ERV3-1: variants seen among roughly 807,000 people sequenced by gnomAD.
ERV3-1 encodes the protein endogenous retrovirus group 3 member 1 Env polyprotein.
ERV3-1 carries 36 observed loss-of-function variants against 24.6 expected under a neutral mutation model. The observed-to-expected ratio is 1.47, with a 90% confidence interval of 1.12 to 1.94. ERV3-1 has a LOEUF of 1.94. ERV3-1 is among the 30% of genes most tolerant of loss of function. The pLI, the probability that ERV3-1 is intolerant of heterozygous loss-of-function variation, is 0.00. For synonymous variants in ERV3-1, 211 were observed against 122.6 expected, an observed-to-expected ratio of 1.72 and a Z score of -4.76; for missense variants, 578 against 330.9, an observed-to-expected ratio of 1.75 and a Z score of -5.79.
Position 64,991,854 on chromosome 7 carries a change from TG to T in ERV3-1, c.1172del (p.Pro391HisfsTer8). ...GGTTTAAAGATGGGAAACGAGAGAA[TG>T]GGCTTGGGTGTGGTGATTCAGAATT... ...SNNSESPHPSPFSRFPSLNHS... is the reference protein window; with the variant it reads ...SNNSESPHPSXFSRFPSLNHS... On this transcript the variant is annotated frameshift_variant, in exon 2 of 2. Transcript: ENST00000394323. LOFTEE classifies it high-confidence loss of function. 1.3e-6 allele frequency: 1 copy of T among 766,286 alleles called. No individual in the cohort carries two copies. The highest frequency in any genetic ancestry group is 2.4e-6 in the Non-Finnish European group (1 of 417,886). 47.5% of individuals were successfully genotyped at this position (766,286 alleles called of 1,614,324 possible). A position where few individuals can be genotyped will look rare whatever the true frequency, so the allele number is the denominator to read the frequency against.
chr7:64,999,388 G>A (rs1438341143), intron 1 of ERV3-1, among the ~76,000 whole-genome samples: 3 of 152,210 alleles, frequency 2.0e-5, no homozygotes, highest in East Asian at 3.9e-4. Flanking sequence ...GGTGGAACAG[G>A]AGGATTTTAT....
intron 1 of ERV3-1, among the ~76,000 whole-genome samples, chr7:65,001,622 GGGA>G (rs1786526219): frequency 1.3e-5 from 2 of 152,146 alleles, no homozygotes; most frequent in Admixed American, 6.5e-5. Context: ...CAGTGGGAGT[GGGA>G]GGAGACCTCA....
rs974567577 is a variant in ERV3-1, at chr7:64,993,255, C to T, written c.-229G>A. 25 of 526,230 alleles carry T rather than the reference C, an allele frequency of 4.8e-5. No homozygotes were observed. The highest frequency in any genetic ancestry group is 1.6e-4 in the East Asian group (5 of 32,076). The allele number at this position is 526,230 out of a possible 1,614,324, so 32.6% of individuals were successfully genotyped here. Reference sequence around the variant, plus strand: ...AGCCGTGTGTGGACTGGTCAGCTTCCGGAGTGACCAGAGCAGGGCTGTTGT... The same window carrying T: ...AGCCGTGTGTGGACTGGTCAGCTTCTGGAGTGACCAGAGCAGGGCTGTTGT... On this transcript the variant is annotated 5_prime_UTR_variant, in exon 2 of 2. Coordinates refer to ENST00000394323, the MANE Select transcript of ERV3-1 (RefSeq NM_001007253.4).
chr7:65,002,597 G>A (rs1786548459), intron 1 of ERV3-1, among the ~76,000 whole-genome samples: 1 of 152,156 alleles, frequency 6.6e-6, no homozygotes, highest in Admixed American at 6.5e-5. Flanking sequence ...CAAAGTGCTG[G>A]GATTACAGGC....
intron 1 of ERV3-1, among the ~76,000 whole-genome samples, chr7:64,996,375 G>T (rs1472718994): frequency 6.6e-6 from 1 of 152,156 alleles, no homozygotes; most frequent in Non-Finnish European, 1.5e-5. Flanking sequence ...TACTACCAGT[G>T]CCTGATTTAC....
chr7:64,991,313 T>C lies in ERV3-1; in HGVS notation c.1714A>G (p.Asn572Asp), dbSNP rs1477224838. 7 of 711,420 alleles carry C rather than the reference T, an allele frequency of 9.8e-6. No homozygotes were observed. The highest frequency in any genetic ancestry group is 1.7e-5 in the African/African-American group (1 of 57,960). The allele number at this position is 711,420 out of a possible 1,614,324, so 44.1% of individuals were successfully genotyped here. The change falls in exon 2 of 2, where the codon AAC (asparagine) becomes GAC (aspartate). Residue 572 changes from asparagine (N) to aspartate (D), a missense_variant. By Grantham distance (23) the Asn-to-Asp change is conservative (BLOSUM62 1). Transcript: ENST00000394323. ...TCGTCATCAAGTTCCAGGCAGCAGT[T>C]AGTAAGGTTGAACTTTCCGCATACT... ...EGVCGKFNLT[N>D]CCLELDDEGK...
rs1289563643 is a variant in ERV3-1, at chr7:64,991,797, G to A, written c.1230C>T (p.Thr410=). 1.3e-6 allele frequency: 1 copy of A among 766,168 alleles called. No homozygotes were observed. The highest frequency in any genetic ancestry group is 1.7e-5 in the Admixed American group (1 of 59,016). 47.5% of individuals were successfully genotyped at this position (766,168 alleles called of 1,614,324 possible). ...AGTAGAGGCCAGAGGGTGCCTGCCA[G>A]GTATTTGGAGCTTCAAGTTGGTACC... is the stretch of plus-strand genomic sequence containing the variant. ...HSWYQLEAPN[T]WQAPSGLYWI... The change falls in exon 2 of 2, where the codon ACC becomes ACT. Residue 410 remains threonine, a synonymous_variant. Transcript: ENST00000394323.
At chr7:65,001,644 G>A (rs909606231) in intron 1 of ERV3-1, among the ~76,000 whole-genome samples, 3 of 152,124 alleles carry the variant, frequency 2.0e-5, no homozygotes, top group African/African-American at 7.2e-5. Context: ...CAAATCCCAG[G>A]ACAATGGGCA....
At chr7:65,005,891 C>G (rs1361581656) in intron 1 of ERV3-1, among the ~76,000 whole-genome samples, 1 of 152,212 alleles carries the variant, frequency 6.6e-6, no homozygotes, top group African/African-American at 2.4e-5. Flanking sequence ...GCTTAACCAA[C>G]TATAAACTGC....
chr7:64,992,592 G>T lies in ERV3-1; in HGVS notation c.435C>A (p.Ser145Arg), dbSNP rs1786303128. 1.3e-6 allele frequency: 1 copy of T among 766,274 alleles called. No homozygotes were observed. Among genetic ancestry groups the T allele is most frequent in the African/African-American group, 1.7e-5 (1 of 59,122 alleles). The allele number at this position is 766,274 out of a possible 1,614,324, so 47.5% of individuals were successfully genotyped here. A position where few individuals can be genotyped will look rare whatever the true frequency, so the allele number is the denominator to read the frequency against. The change falls in exon 2 of 2, where the codon AGC (serine) becomes AGA (arginine). Residue 145 changes from serine to arginine, a missense_variant. Coordinates refer to ENST00000394323, the MANE Select transcript of ERV3-1 (RefSeq NM_001007253.4). ...GGTGTGCATACCTATTTTTATGGCAGCTACTATAGTACTCCATGGAACTGA... is the reference window on the plus strand; with the variant it reads ...GGTGTGCATACCTATTTTTATGGCATCTACTATAGTACTCCATGGAACTGA... ...VIFSSMEYYS[S>R]CHKNRYAHPA... is the part of the protein sequence containing the mutation.
At chr7:65,001,577 G>A (rs1322120552) in intron 1 of ERV3-1, among the ~76,000 whole-genome samples, 3 of 152,144 alleles carry the variant, frequency 2.0e-5, no homozygotes, top group Non-Finnish European at 4.4e-5. Flanking sequence ...TCTGCTATAA[G>A]AGCTCCTTTC....
intron 1 of ERV3-1, among the ~76,000 whole-genome samples, chr7:65,000,190 G>A (rs1307616815): frequency 6.6e-6 from 1 of 152,034 alleles, no homozygotes; most frequent in Non-Finnish European, 1.5e-5. Context: ...GTATGGTATG[G>A]CACGGTGGCT....
Position 64,991,342 on chromosome 7 carries a change from T to A in ERV3-1, c.1685A>T (p.Glu562Val), listed in dbSNP as rs1402870138. 4.3e-6 allele frequency: 3 copies of A among 705,292 alleles called. No homozygotes were observed. The highest frequency in any genetic ancestry group is 2.3e-4 in the Middle Eastern group (1 of 4,370). 43.7% of individuals were successfully genotyped at this position (705,292 alleles called of 1,614,324 possible). ...AAGGTTGAACTTTCCGCATACTCCC[T>A]CTTCCTGGGCTAGGAGGTAGTCTAA... ...LALDYLLAQE[E>V]GVCGKFNLTN... The change falls in exon 2 of 2, where the codon GAG (glutamate) becomes GTG (valine). Residue 562 changes from glutamate (E) to valine (V), a missense_variant. Physicochemically the swap from Glu to Val is moderately radical, Grantham distance 121 (BLOSUM62 -2). Coordinates refer to ENST00000394323, the MANE Select transcript of ERV3-1 (RefSeq NM_001007253.4).
At chr7:65,000,594 C>T (rs964388561) in intron 1 of ERV3-1, among the ~76,000 whole-genome samples, 1 of 152,216 alleles carries the variant, frequency 6.6e-6, no homozygotes, top group South Asian at 2.1e-4. Context: ...GCCTGGGCAA[C>T]GTGGCAAAAC....
chr7:65,005,593 G>A (rs1786628373), intron 1 of ERV3-1, among the ~76,000 whole-genome samples: 1 of 152,162 alleles, frequency 6.6e-6, no homozygotes, highest in African/African-American at 2.4e-5. Flanking sequence ...ATGTGAATTA[G>A]GGAGGGGAAA....
At chr7:65,002,787 AT>A (rs1283187850) in intron 1 of ERV3-1, among the ~76,000 whole-genome samples, 3 of 151,946 alleles carry the variant, frequency 2.0e-5, no homozygotes, top group Admixed American at 6.6e-5. Context: ...CTAAAATCTG[AT>A]TTTTTTTCAT....
intron 1 of ERV3-1, among the ~76,000 whole-genome samples, chr7:64,994,862 C>G (rs1786371178): frequency 6.6e-6 from 1 of 152,262 alleles, no homozygotes; most frequent in Non-Finnish European, 1.5e-5. Context: ...ACGCCTCCAC[C>G]ACTGAGTCTA....
At chr7:65,003,364 C>A (rs920116360) in intron 1 of ERV3-1, among the ~76,000 whole-genome samples, 2 of 152,188 alleles carry the variant, frequency 1.3e-5, no homozygotes, top group African/African-American at 4.8e-5. Flanking sequence ...TGCCTGTAAT[C>A]CCAGCTACCT....
Position 64,995,610 on chromosome 7 carries a change from C to T in ERV3-1, c.-388-2196G>A, listed in dbSNP as rs534855403. On this transcript the variant is annotated intron_variant, in intron 1 of 1. Transcript: ENST00000394323. Reference sequence around the variant, plus strand: ...TGCCCCTAAGAATTCCCCTATTTGGCGCCAGGTGGTTGGAGTTGGAAGTGC... The same window carrying T: ...TGCCCCTAAGAATTCCCCTATTTGGTGCCAGGTGGTTGGAGTTGGAAGTGC... 2.2e-4 allele frequency among the ~76,000 whole-genome samples: 33 copies of T among 152,256 alleles called. No individual in the cohort carries two copies. The South Asian group carries it at 5.0e-3, about 23-fold the overall frequency.
Sources: gnomAD v4.1 joint callset for allele counts (sites outside exome capture counted in the v4.1 genomes callset) on GRCh38, gnomAD v4.1.1 for gene constraint, MANE v1.5 for transcripts, NCBI Gene and HGNC (gene_info 2026-07-23, HGNC 2026-07-21) for gene names.